Variants in DAG1 observed in about 807,000 individuals in gnomAD.
DAG1 encodes dystroglycan 1 (dystrophin-associated glycoprotein 1).
A neutral mutation model predicts 46.1 loss-of-function variants in DAG1; 8 were observed. That is an observed-to-expected ratio of 0.17 (90% CI 0.10 to 0.31). The LOEUF (loss-of-function observed/expected upper bound fraction) is 0.31, where lower values mean the gene tolerates loss of function less well. DAG1 is among the 10% of genes least tolerant of loss of function. The pLI is 1.00. For missense variants in DAG1, 1,003 were observed against 1,189.9 expected, an observed-to-expected ratio of 0.84 and a Z score of 2.31; for synonymous variants, 495 against 481.8, an observed-to-expected ratio of 1.03 and a Z score of -0.36.
At chr3:49,523,216 A>T (rs529444491) in intron 2 of DAG1, among the ~76,000 whole-genome samples, 2 of 152,176 alleles carry the variant, frequency 1.3e-5, no homozygotes, top group Non-Finnish European at 2.9e-5. Context: ...TCAAAATCCC[A>T]TGTGTAAATG....
chr3:49,502,378 T>C (rs1054716634), intron 1 of DAG1, among the ~76,000 whole-genome samples: 6 of 152,134 alleles, frequency 3.9e-5, no homozygotes, highest in Non-Finnish European at 5.9e-5. Flanking sequence ...TGGTCCCTTT[T>C]GCTGAGTGTG....
chr3:49,532,626 C>A lies in DAG1; in HGVS notation c.2115C>A (p.Ile705=). Reference sequence around the variant, plus strand: ...AGCCTGACTTTAAGGCCACAAGCATCACTGTGACGGGCTCTGGCAGTTGTC... The same window carrying A: ...AGCCTGACTTTAAGGCCACAAGCATAACTGTGACGGGCTCTGGCAGTTGTC... ...ALEPDFKATS[I]TVTGSGSCRH... Residue 705 remains isoleucine (I), a synonymous_variant, in exon 3 of 3, where the codon ATC becomes ATA. Coordinates refer to ENST00000308775, the MANE Select transcript of DAG1 (RefSeq NM_004393.6). This position sits in a 1 kb window ranked among gnomAD's most constrained non-coding sequence, Gnocchi z 5.4. The A allele has an allele frequency of 6.2e-7, 1 of 1,613,740 alleles. No individual in the cohort carries two copies. The highest frequency in any genetic ancestry group is 8.5e-7 in the Non-Finnish European group (1 of 1,179,660).
intron 2 of DAG1, among the ~76,000 whole-genome samples, chr3:49,528,581 A>C (rs2051255227): frequency 6.6e-6 from 1 of 151,910 alleles, no homozygotes; most frequent in African/African-American, 2.4e-5. Context: ...CACCACGCCC[A>C]GCCAATAAGT....
intron 1 of DAG1, among the ~76,000 whole-genome samples, chr3:49,503,501 A>C (rs2050513360): frequency 6.6e-6 from 1 of 152,152 alleles, no homozygotes; most frequent in South Asian, 2.1e-4. Flanking sequence ...GCCTGTGGTT[A>C]GCCATTTTTT....
intron 1 of DAG1, among the ~76,000 whole-genome samples, chr3:49,495,712 G>C (rs1279276781): frequency 6.6e-6 from 1 of 152,040 alleles, no homozygotes. Flanking sequence ...ACAATGTCAG[G>C]AGTTCGAGAC....
chr3:49,495,868 C>T (rs1359637784), intron 1 of DAG1, among the ~76,000 whole-genome samples: 1 of 151,708 alleles, frequency 6.6e-6, no homozygotes, highest in South Asian at 2.1e-4. Context: ...TGCAGTGAGC[C>T]GAGATCGTGC....
chr3:49,481,591 C>T (rs568612874), intron 1 of DAG1, among the ~76,000 whole-genome samples: 4 of 152,074 alleles, frequency 2.6e-5, no homozygotes, highest in Non-Finnish European at 4.4e-5. Flanking sequence ...TGTTCCCTGC[C>T]CTTGGGGACA....
intron 1 of DAG1, among the ~76,000 whole-genome samples, chr3:49,486,437 C>T (rs2050028584): frequency 1.3e-5 from 2 of 151,956 alleles, no homozygotes. Flanking sequence ...CCAGGATGGT[C>T]TCGATCTCCT....
intron 2 of DAG1, among the ~76,000 whole-genome samples, chr3:49,515,822 C>A (rs2050884116): frequency 6.6e-6 from 1 of 152,066 alleles, no homozygotes; most frequent in Non-Finnish European, 1.5e-5. Flanking sequence ...TTCCTAGGCT[C>A]CCCCTGCCTT....
chr3:49,479,779 A>T (rs1245663434), intron 1 of DAG1, among the ~76,000 whole-genome samples: 2 of 147,248 alleles, frequency 1.4e-5, no homozygotes, highest in Non-Finnish European at 3.0e-5. Flanking sequence ...CTGGCATTAC[A>T]GGCGCGCACC....
rs1427705620 is a variant in DAG1, at chr3:49,481,968, A to C, written c.-117+11535A>C. On this transcript the variant is annotated intron_variant, in intron 1 of 2. Transcript: ENST00000308775. ...GGTTGCGTCCGTATGAAACATGAAT[A>C]AACTTTTATCATCGTCATCATTTCC... Among the ~76,000 whole-genome samples, 3 of 152,216 alleles carry C rather than the reference A, an allele frequency of 2.0e-5. No homozygotes were observed. The East Asian group carries it at 5.8e-4, about 29-fold the overall frequency.
chr3:49,512,675 A>G (rs936716832), intron 2 of DAG1, among the ~76,000 whole-genome samples: 1 of 148,120 alleles, frequency 6.8e-6, no homozygotes, highest in African/African-American at 2.5e-5. Flanking sequence ...TTAAAAAAAA[A>G]TTTTTTTTTA....
intron 2 of DAG1, among the ~76,000 whole-genome samples, chr3:49,517,884 G>A (rs531621111): frequency 1.3e-5 from 2 of 152,340 alleles, no homozygotes; most frequent in East Asian, 3.9e-4. Context: ...GGACAGTGGT[G>A]GGTTGCAGAG....
At chr3:49,526,474 T>C (rs1414125952) in intron 2 of DAG1, among the ~76,000 whole-genome samples, 1 of 151,880 alleles carries the variant, frequency 6.6e-6, no homozygotes, top group African/African-American at 2.4e-5. Context: ...TTTGGGAGGC[T>C]GAGGCAGCCA....
At chr3:49,491,389 G>A (rs1334876638) in intron 1 of DAG1, among the ~76,000 whole-genome samples, 4 of 148,814 alleles carry the variant, frequency 2.7e-5, no homozygotes, top group African/African-American at 9.9e-5. Flanking sequence ...TTGGCTCACT[G>A]CAGCCTCTGC....
intron 2 of DAG1, among the ~76,000 whole-genome samples, chr3:49,520,632 C>T (rs765604412): frequency 3.6e-4 from 55 of 152,114 alleles, no homozygotes; most frequent in African/African-American, 1.3e-3. Flanking sequence ...TTGGGGGACA[C>T]GGGGAAGGGC....
At chr3:49,485,845 G>C (rs1452917100) in intron 1 of DAG1, among the ~76,000 whole-genome samples, 1 of 151,520 alleles carries the variant, frequency 6.6e-6, no homozygotes, top group Non-Finnish European at 1.5e-5. Context: ...TCCTTTTGTA[G>C]ATACATGGTC....
chr3:49,518,105 G>T (rs1368367356), intron 2 of DAG1, among the ~76,000 whole-genome samples: 4 of 152,214 alleles, frequency 2.6e-5, no homozygotes, highest in Non-Finnish European at 5.9e-5. Context: ...GAGGTACTGA[G>T]CCTGGCCTGC....
At chr3:49,504,994 A>C (rs1305771377) in intron 1 of DAG1, among the ~76,000 whole-genome samples, 2 of 137,700 alleles carry the variant, frequency 1.5e-5, no homozygotes, top group Non-Finnish European at 3.1e-5. Context: ...TTTAATTTTA[A>C]AATTACTATT....
Sources: gnomAD v4.1 joint callset for allele counts (sites outside exome capture counted in the v4.1 genomes callset) on GRCh38, gnomAD v4.1.1 for gene constraint, Gnocchi (gnomAD v3.1) non-coding constraint, MANE v1.5 for transcripts, NCBI Gene and HGNC (gene_info 2026-07-23, HGNC 2026-07-21) for gene names.